Variants in CELF2 observed in about 807,000 individuals in gnomAD.
CELF2 encodes the protein CUG triplet repeat RNA-binding protein 2.
Under a neutral mutation model 62.6 loss-of-function variants are expected in CELF2, and 8 were observed. The observed-to-expected ratio is 0.13, with a 90% confidence interval of 0.07 to 0.23. The LOEUF is 0.23. Ranked by LOEUF, CELF2 falls within the 10% of genes least tolerant of loss-of-function variation. The pLI is 1.00. For synonymous variants in CELF2, 258 were observed against 250.0 expected (o/e 1.03, Z -0.30); for missense variants, 333 against 671.0 (o/e 0.50, Z 5.56).
chr10:10,774,595 C>T, the CELF2 span, among the ~76,000 whole-genome samples: 2 of 152,202 alleles, frequency 1.3e-5, no homozygotes, highest in African/African-American at 2.4e-5. Context: ...CCTTGCCTTC[C>T]GCGATGACTG....
the CELF2 span, among the ~76,000 whole-genome samples, chr10:10,475,372 A>C: frequency 6.6e-6 from 1 of 151,890 alleles, no homozygotes; most frequent in African/African-American, 2.4e-5. Context: ...CAATCTGCCC[A>C]TGTCTCACTC....
intron 1 of CELF2, among the ~76,000 whole-genome samples, chr10:11,031,800 A>G (rs531137560): frequency 3.9e-5 from 6 of 152,328 alleles, no homozygotes; most frequent in African/African-American, 1.4e-4. Flanking sequence ...ATCAGACTGT[A>G]AGGCCCAATA....
Position 11,314,167 on chromosome 10 carries a change from T to C in CELF2, c.1005T>C (p.Ala335=). 1 of 1,613,890 alleles carries C rather than the reference T, an allele frequency of 6.2e-7. No homozygotes were observed. The highest frequency in any genetic ancestry group is 8.5e-7 in the Non-Finnish European group (1 of 1,179,836). ...CTGCTTCAACCCCCAACTCCACTGC[T>C]GGTGCAGCCATGAACTCCTTGACCT... ...PVAASTPNST[A]GAAMNSLTSL... Residue 335 remains alanine, a synonymous_variant, in exon 10 of 13, where the codon GCT becomes GCC. Coordinates refer to ENST00000633077, the MANE Select transcript of CELF2 (RefSeq NM_001326342.2). This position sits in a 1 kb window ranked among gnomAD's most constrained non-coding sequence, Gnocchi z 5.3.
At chr10:11,125,716 C>T (rs1007881445) in intron 1 of CELF2, among the ~76,000 whole-genome samples, 3 of 152,130 alleles carry the variant, frequency 2.0e-5, no homozygotes, top group African/African-American at 7.2e-5. Flanking sequence ...CTATCCTGTC[C>T]ACTTACTTTG....
the CELF2 span, among the ~76,000 whole-genome samples, chr10:10,670,311 G>A: frequency 6.6e-6 from 1 of 152,218 alleles, no homozygotes; most frequent in Non-Finnish European, 1.5e-5. Context: ...CACCCTTATT[G>A]ATTGTCCAGC....
chr10:10,932,437 T>C (rs2066172801), intron 2 of CELF2, among the ~76,000 whole-genome samples: 1 of 152,190 alleles, frequency 6.6e-6, no homozygotes, highest in Non-Finnish European at 1.5e-5. Flanking sequence ...TGTGAAGTGA[T>C]AGATATTTAA....
the CELF2 span, among the ~76,000 whole-genome samples, chr10:10,533,543 A>G: frequency 6.6e-6 from 1 of 152,236 alleles, no homozygotes; most frequent in African/African-American, 2.4e-5. Flanking sequence ...TCTTTACCTC[A>G]GAGTAACTTA....
the CELF2 span, among the ~76,000 whole-genome samples, chr10:10,505,782 C>A: frequency 6.6e-6 from 1 of 152,194 alleles, no homozygotes; most frequent in South Asian, 2.1e-4. Flanking sequence ...TCTTGCTAGG[C>A]TGCTGCTTTT....
In CELF2 at chr10:11,246,992, G is replaced by A. The variant is rs77082683; in HGVS notation, c.355-2161G>A. Among the ~76,000 whole-genome samples the A allele has an allele frequency of 0.036, 5,438 of 152,192 alleles. 323 individuals carry two copies. Among genetic ancestry groups the A allele is most frequent in the African/African-American group, 0.12 (5,161 of 41,504 alleles). On this transcript the variant is annotated intron_variant, in intron 3 of 12. Coordinates refer to ENST00000633077, the MANE Select transcript of CELF2 (RefSeq NM_001326342.2). The surrounding 1 kb of genome is among the most constrained non-coding windows in gnomAD (Gnocchi z 4.6). Reference sequence around the variant, plus strand: ...GCAGTCATCCCACAGTCACCTGGTTGTACAGACCTGGAGTTCCCCTTCTCC... The same window carrying A: ...GCAGTCATCCCACAGTCACCTGGTTATACAGACCTGGAGTTCCCCTTCTCC...
the CELF2 span, among the ~76,000 whole-genome samples, chr10:10,630,729 A>G: frequency 6.6e-6 from 1 of 152,228 alleles, no homozygotes; most frequent in Non-Finnish European, 1.5e-5. Context: ...GAATAAGAGG[A>G]GGAATTAACC....
intron 1 of CELF2, among the ~76,000 whole-genome samples, chr10:10,885,251 A>G (rs2061681070): frequency 6.6e-6 from 1 of 152,094 alleles, no homozygotes; most frequent in Admixed American, 6.5e-5. Context: ...TCAAAAAAAA[A>G]ACAAAAAAGA....
chr10:11,005,076 C>T, upstream of CELF2: 1 of 985,222 alleles, frequency 1.0e-6, no homozygotes, highest in South Asian at 4.7e-5. The surrounding 1 kb of genome is among the most constrained non-coding windows in gnomAD (Gnocchi z 4.3). Flanking sequence ...TAATACCAGC[C>T]AGGCTTGAGT....
At position 11,318,923 on chromosome 10, in the gene CELF2, C is replaced by T. The variant is rs775534211; in HGVS notation, c.1097-2266C>T. 5.1e-5 allele frequency: 24 copies of T among 471,072 alleles called. No individual in the cohort carries two copies. Among genetic ancestry groups the T allele is most frequent in the Admixed American group, 1.2e-4 (5 of 42,568 alleles). The allele number at this position is 471,072 out of a possible 1,614,324, so 29.2% of individuals were successfully genotyped here. A position where few individuals can be genotyped will look rare whatever the true frequency, so the allele number is the denominator to read the frequency against. The stretch of plus-strand genomic sequence containing the variant: ...GACAGGGCCTGAAAACTCCCACCCG[C>T]AGCAGACAAGGCATCATGGTGGTGC... On this transcript the variant is annotated intron_variant, in intron 10 of 12. Coordinates refer to ENST00000633077, the MANE Select transcript of CELF2 (RefSeq NM_001326342.2). This position sits in a 1 kb window ranked among gnomAD's most constrained non-coding sequence, Gnocchi z 5.4.
At position 11,098,786 on chromosome 10, in the gene CELF2, C is replaced by CTG. The variant is rs538754487; in HGVS notation, c.75-66699_75-66698dup. 3.8e-4 allele frequency among the ~76,000 whole-genome samples: 58 copies of CTG among 152,310 alleles called. No homozygotes were observed. The South Asian group carries it at 0.011, about 30-fold the overall frequency. On this transcript the variant is annotated intron_variant, in intron 1 of 12. Transcript: ENST00000633077. This position sits in a 1 kb window ranked among gnomAD's most constrained non-coding sequence, Gnocchi z 4.0. Reference sequence around the variant, plus strand: ...CTGTGTGGTTAATTTCTATGAACTGCTGGACAGCTGATTTGACCGAGGCTT... The same window carrying CTG: ...CTGTGTGGTTAATTTCTATGAACTGCTGTGGACAGCTGATTTGACCGAGGCTT...
the CELF2 span, among the ~76,000 whole-genome samples, chr10:10,628,876 G>C: frequency 1.3e-5 from 2 of 152,082 alleles, no homozygotes; most frequent in Non-Finnish European, 2.9e-5. Flanking sequence ...AGACTTTCCT[G>C]TTTATCAGGC....
At chr10:11,253,180 G>GTTGCTTGT (rs2077646026) in intron 4 of CELF2, among the ~76,000 whole-genome samples, 1 of 152,206 alleles carries the variant, frequency 6.6e-6, no homozygotes, top group Non-Finnish European at 1.5e-5. Context: ...CGCAAGGGAA[G>GTTGCTTGT]TTGCTTGTTG....
the CELF2 span, among the ~76,000 whole-genome samples, chr10:10,716,404 G>A: frequency 3.3e-5 from 5 of 152,154 alleles, no homozygotes; most frequent in Non-Finnish European, 7.3e-5. Context: ...AGCCAGGCAT[G>A]GTGGCACACG....
At chr10:10,632,342 T>TTTGACGTTCCA in the CELF2 span, among the ~76,000 whole-genome samples, 1 of 152,158 alleles carries the variant, frequency 6.6e-6, no homozygotes, top group Admixed American at 6.6e-5. Flanking sequence ...CAGTGATTCC[T>TTTGACGTTCCA]TTGACGTTCA....
intron 1 of CELF2, among the ~76,000 whole-genome samples, chr10:10,877,896 G>A (rs867903942): frequency 1.8e-4 from 28 of 152,290 alleles, no homozygotes; most frequent in Middle Eastern, 6.8e-3. Context: ...GTAGTTGAGA[G>A]CATACATCTC....
Sources: gnomAD v4.1 joint callset for allele counts (sites outside exome capture counted in the v4.1 genomes callset) on GRCh38, gnomAD v4.1.1 for gene constraint, Gnocchi (gnomAD v3.1) non-coding constraint, MANE v1.5 for transcripts, NCBI Gene and HGNC (gene_info 2026-07-23, HGNC 2026-07-21) for gene names.